SLC6A14: variants seen among roughly 807,000 people sequenced by gnomAD.
SLC6A14 encodes solute carrier family 6 member 14.
Under a neutral mutation model 51.4 loss-of-function variants are expected in SLC6A14, and 21 were observed. That is an observed-to-expected ratio of 0.41 (90% CI 0.29 to 0.59). The LOEUF (loss-of-function observed/expected upper bound fraction) is 0.59, where lower values mean the gene tolerates loss of function less well. Ranked by LOEUF, SLC6A14 falls within the 20% of genes least tolerant of loss-of-function variation. The pLI, the probability that SLC6A14 is intolerant of heterozygous loss-of-function variation, is 0.31. For synonymous variants in SLC6A14, 177 were observed against 160.7 expected, an observed-to-expected ratio of 1.10 and a Z score of -0.77; for missense variants, 371 against 472.8, an observed-to-expected ratio of 0.78 and a Z score of 2.00.
chrX:116,441,952 T>C (rs782292405), intron 3 of SLC6A14, among the ~76,000 whole-genome samples: 1 of 112,378 alleles, frequency 8.9e-6, no homozygotes, highest in South Asian at 3.7e-4. Context: ...GATTTATAGA[T>C]GAATATTGTA....
At chrX:116,445,457 GGAGAGAGAGAGAGAGA>G (rs4068397) in intron 6 of SLC6A14, among the ~76,000 whole-genome samples, 2,003 of 67,001 alleles carry the variant, frequency 0.03, 32 homozygotes, top group Middle Eastern at 0.079. Context: ...TCCCCTAGTC[GGAGAGAGAGAGAGAGA>G]GAGAGAGAGA....
In SLC6A14 at chrX:116,437,968, A is replaced by ACGGGCC; in HGVS notation, c.214+14_214+15insGGGCCC. 1 of 1,122,179 alleles carries ACGGGCC rather than the reference A, an allele frequency of 8.9e-7. No individual in the cohort carries two copies. Among genetic ancestry groups the ACGGGCC allele is most frequent in the Non-Finnish European group, 1.2e-6 (1 of 840,397 alleles). 92.5% of individuals were successfully genotyped at this position (1,122,179 alleles called of 1,213,427 possible). On this transcript the variant is annotated intron_variant, in intron 2 of 13. Transcript: ENST00000598581. ...AGCAATGGTGGAGGTATTCTATTTC[A>ACGGGCC]CCCCCACCCTCCCACCCCCGCTTTT...
intron 3 of SLC6A14, among the ~76,000 whole-genome samples, chrX:116,442,255 A>T (rs1927613396): frequency 8.9e-6 from 1 of 111,738 alleles, no homozygotes; most frequent in Non-Finnish European, 1.9e-5. Context: ...AAAGGAAAAA[A>T]GTAATTTAAA....
chrX:116,452,112 A>T (rs1927836649), intron 8 of SLC6A14, among the ~76,000 whole-genome samples: 1 of 111,903 alleles, frequency 8.9e-6, no homozygotes, highest in Admixed American at 9.6e-5. Flanking sequence ...GATATTAGCT[A>T]GGGATGCTTA....
chrX:116,454,549 C>A, intron 10 of SLC6A14, 107 bp downstream of exon 10: 1 of 494,334 alleles, frequency 2.0e-6, no homozygotes, highest in South Asian at 3.7e-5. Flanking sequence ...AAGTCCAGGT[C>A]TGACTTGGAT....
chrX:116,442,598 G>A (rs1556693749), intron 3 of SLC6A14, 89 bp from the exon 4 acceptor site: 1 of 712,718 alleles, frequency 1.4e-6, no homozygotes, highest in Non-Finnish European at 2.0e-6. Context: ...AATAGATTTT[G>A]TGGTAATTGA....
chrX:116,450,820 T>G (rs1556694358), intron 7 of SLC6A14, among the ~76,000 whole-genome samples: 1 of 111,466 alleles, frequency 9.0e-6, no homozygotes, highest in Non-Finnish European at 1.9e-5. Flanking sequence ...ATGCCTGTAA[T>G]CCCAGCTACT....
chrX:116,438,373 T>C (rs782137579), intron 2 of SLC6A14, among the ~76,000 whole-genome samples: 41 of 112,181 alleles, frequency 3.7e-4, no homozygotes, highest in Non-Finnish European at 6.8e-4. Context: ...CTCAAATAAA[T>C]TATTTGCTTA....
chrX:116,446,660 G>A (rs1556694054), intron 6 of SLC6A14, 81 bp from the exon 7 acceptor site: 1 of 742,762 alleles, frequency 1.3e-6, no homozygotes, highest in Non-Finnish European at 2.0e-6. Context: ...AATCTCAACT[G>A]GCTAATAATT....
chrX:116,444,254 G>T (rs1057494250), intron 5 of SLC6A14, among the ~76,000 whole-genome samples: 1 of 111,727 alleles, frequency 9.0e-6, no homozygotes, highest in Non-Finnish European at 1.9e-5. Context: ...AATTTCAAAC[G>T]ATCTCTCTAC....
chrX:116,451,781 A>G, intron 8 of SLC6A14, 111 bp downstream of exon 8: 2 of 450,535 alleles, frequency 4.4e-6, no homozygotes, highest in African/African-American at 2.5e-5. Context: ...TAGAATATTG[A>G]ATTTTCTTCC....
intron 7 of SLC6A14, 132 bp from the exon 8 acceptor site, chrX:116,451,310 T>C: frequency 2.1e-6 from 1 of 466,571 alleles, no homozygotes. Flanking sequence ...TTTTATTTCT[T>C]AAGCTGAGTA....
chrX:116,439,636 G>A (rs1030841478), intron 2 of SLC6A14, among the ~76,000 whole-genome samples: 4 of 111,047 alleles, frequency 3.6e-5, no homozygotes, highest in Non-Finnish European at 5.7e-5. Context: ...TGAAAAGTCA[G>A]GTATAACACT....
chrX:116,436,841 C>T, intron 1 of SLC6A14, 84 bp downstream of exon 1: 5 of 849,852 alleles, frequency 5.9e-6, no homozygotes, highest in Non-Finnish European at 8.4e-6. Flanking sequence ...TTTTTGCTTT[C>T]TGTGGCTGTT....
chrX:116,453,735 G>A (rs782786200), intron 9 of SLC6A14, among the ~76,000 whole-genome samples: 8 of 111,125 alleles, frequency 7.2e-5, no homozygotes, highest in African/African-American at 9.8e-5. Flanking sequence ...CTATGCACAC[G>A]TAGGGATTTA....
intron 8 of SLC6A14, among the ~76,000 whole-genome samples, chrX:116,451,922 G>C (rs12720086): frequency 0.053 from 5,874 of 111,541 alleles, 155 homozygotes; most frequent in South Asian, 0.096. Context: ...TCCTTGCTAA[G>C]CACTTTCCAT....
chrX:116,457,738 A>G lies in SLC6A14; in HGVS notation c.1744A>G (p.Ile582Val), dbSNP rs1556694879. Residue 582 changes from isoleucine (I) to valine (V), a missense_variant, in exon 13 of 14, where the codon ATC becomes GTC. Physicochemically the swap from Ile to Val is conservative, Grantham distance 29. This residue lies in a region of SLC6A14 where 94 missense variants were observed against 81.0 expected (regional missense o/e 1.16). Transcript: ENST00000598581. The stretch of plus-strand genomic sequence containing the variant: ...CATTATTTGGATTCCAATTATGGCT[A>G]TCATAAAAATAATTCAGGCTAAAGG... ...FCIIWIPIMA[I>V]IKIIQAKGNI... is the part of the protein sequence containing the mutation. 5 of 1,202,373 alleles carry G rather than the reference A, an allele frequency of 4.2e-6. No homozygotes were observed. The highest frequency in any genetic ancestry group is 4.5e-6 in the Non-Finnish European group (4 of 887,595).
chrX:116,440,816 T>TA (rs1350033686), intron 2 of SLC6A14, 150 bp from the exon 3 acceptor site: 3 of 510,754 alleles, frequency 5.9e-6, no homozygotes, highest in Non-Finnish European at 9.6e-6. Context: ...ATCAACTACT[T>TA]ATTCATAGAA....
intron 7 of SLC6A14, among the ~76,000 whole-genome samples, chrX:116,447,400 A>G (rs1425107826): frequency 8.9e-6 from 1 of 112,026 alleles, no homozygotes; most frequent in Non-Finnish European, 1.9e-5. Context: ...CAAAATTGTT[A>G]CTTATACCAA....
Sources: gnomAD v4.1 joint callset for allele counts (sites outside exome capture counted in the v4.1 genomes callset) on GRCh38, gnomAD v4.1.1 for gene constraint, gnomAD v4.1.1 regional missense constraint, MANE v1.5 for transcripts, NCBI Gene and HGNC (gene_info 2026-07-23, HGNC 2026-07-21) for gene names.